The following UBAP2L variants were observed in gnomAD, a reference collection of about 807,000 sequenced individuals.
The protein encoded by UBAP2L is ubiquitin-associated protein 2-like.
Under a neutral mutation model 130.6 loss-of-function variants are expected in UBAP2L, and 12 were observed. The observed-to-expected ratio is 0.09, with a 90% CI of 0.06 to 0.15. The LOEUF (loss-of-function observed/expected upper bound fraction) is 0.15. Among genes scored for constraint, UBAP2L ranks in the 10% least tolerant of loss-of-function variants. The pLI, the probability that UBAP2L is intolerant of heterozygous loss-of-function variation, is 1.00. For missense variants in UBAP2L, 965 were observed against 1,332.5 expected (o/e 0.72, Z 4.29); for synonymous variants, 503 against 524.7 (o/e 0.96, Z 0.57).
upstream of UBAP2L, chr1:154,220,379 C>T: frequency 6.2e-7 from 1 of 1,614,240 alleles, no homozygotes; most frequent in East Asian, 2.2e-5. Context: ...GACATTCACC[C>T]CGGAGAGCCA....
At chr1:154,271,366 T>G (rs1298081546), downstream of UBAP2L, 1 of 162,816 alleles carries the variant, frequency 6.1e-6, no homozygotes, top group Non-Finnish European at 1.3e-5. Flanking sequence ...TTGGGTACAG[T>G]GTACACTGCT....
intron 25 of UBAP2L, 73 bp from the exon 26 acceptor site, chr1:154,268,684 T>C (rs912673871): frequency 6.1e-5 from 91 of 1,499,652 alleles, no homozygotes; most frequent in Non-Finnish European, 8.0e-5. Flanking sequence ...GTCAGGGAGC[T>C]TGAGCTCAGG....
chr1:154,249,157 C>T (rs773159565), intron 11 of UBAP2L, 82 bp from the exon 12 acceptor site: 45 of 1,378,612 alleles, frequency 3.3e-5, no homozygotes, highest in Non-Finnish European at 4.5e-5. Flanking sequence ...TATACTGGCT[C>T]TCGGTCTGGA....
At chr1:154,241,202 C>T (rs1294021018) in intron 8 of UBAP2L, among the ~76,000 whole-genome samples, 9 of 152,092 alleles carry the variant, frequency 5.9e-5, no homozygotes, top group Admixed American at 5.2e-4. Context: ...CATTCTTCTG[C>T]CTCAGCCTCC....
chr1:154,243,787 T>C (rs1674401321), intron 10 of UBAP2L, among the ~76,000 whole-genome samples: 1 of 152,182 alleles, frequency 6.6e-6, no homozygotes, highest in Non-Finnish European at 1.5e-5. Context: ...GAGTTAGTAC[T>C]AGTTAATCTG....
intron 2 of UBAP2L, 132 bp from the exon 3 acceptor site, chr1:154,227,150 A>G: frequency 1.4e-6 from 1 of 735,728 alleles, no homozygotes; most frequent in Non-Finnish European, 2.3e-6. Flanking sequence ...AGCGTCCTAA[A>G]TGGTGCTTTA....
chr1:154,235,970 A>G (rs1261296205), intron 6 of UBAP2L, among the ~76,000 whole-genome samples: 1 of 152,184 alleles, frequency 6.6e-6, no homozygotes, highest in East Asian at 1.9e-4. Flanking sequence ...TGTCATGCAT[A>G]TACTAGAGAT....
chr1:154,251,366 G>A (rs1200650297), intron 13 of UBAP2L, 48 bp downstream of exon 13: 1 of 1,583,928 alleles, frequency 6.3e-7, no homozygotes, highest in Non-Finnish European at 8.6e-7. Context: ...GGGGTGTGGG[G>A]CTTGAGAATT....
chr1:154,227,012 G>A (rs1445410337), intron 2 of UBAP2L, among the ~76,000 whole-genome samples: 1 of 152,124 alleles, frequency 6.6e-6, no homozygotes, highest in Non-Finnish European at 1.5e-5. Context: ...TAGTAGAGAC[G>A]GGGTTTTGCC....
chr1:154,242,512 A>G (rs1257870516), intron 9 of UBAP2L, among the ~76,000 whole-genome samples: 2 of 152,240 alleles, frequency 1.3e-5, no homozygotes, highest in Non-Finnish European at 2.9e-5. Flanking sequence ...TCAGAGAATG[A>G]TAAATGGTGT....
intron 22 of UBAP2L, 55 bp from the exon 23 acceptor site, chr1:154,260,837 T>C (rs1681331432): frequency 6.5e-7 from 1 of 1,531,792 alleles, no homozygotes; most frequent in Admixed American, 1.7e-5. Flanking sequence ...AAGAGGTAAT[T>C]CTGTATTGGT....
intron 15 of UBAP2L, among the ~76,000 whole-genome samples, chr1:154,254,353 T>C (rs1002468572): frequency 1.3e-5 from 2 of 152,230 alleles, no homozygotes; most frequent in African/African-American, 4.8e-5. Flanking sequence ...TGTCCTGTCT[T>C]CTGGGAAGAT....
intron 14 of UBAP2L, among the ~76,000 whole-genome samples, chr1:154,251,950 A>G (rs1488636914): frequency 1.3e-5 from 2 of 152,124 alleles, no homozygotes; most frequent in Non-Finnish European, 2.9e-5. Flanking sequence ...CAGCCTGGGC[A>G]ACATAATGAG....
Position 154,235,247 on chromosome 1 carries a change from G to A in UBAP2L, c.500G>A (p.Gly167Glu). The change falls in exon 6 of 27, where the codon GGA (glycine) becomes GAA (glutamate). Residue 167 changes from glycine (G) to glutamate (E), a missense_variant. Coordinates refer to ENST00000428931, the MANE Select transcript of UBAP2L (RefSeq NM_014847.4). ...LDGTKSGGPSGRGTERGRRGR... is the reference protein window; with the variant it reads ...LDGTKSGGPSERGTERGRRGR... ...GGCACCAAGAGTGGAGGGCCTTCTG[G>A]AAGAGGAACAGAAAGAGGCAGAAGG... 2.6e-6 allele frequency: 2 copies of A among 779,536 alleles called. No individual in the cohort carries two copies. Among genetic ancestry groups the A allele is most frequent in the Middle Eastern group, 2.3e-4 (1 of 4,434 alleles). 48.3% of individuals were successfully genotyped at this position (779,536 alleles called of 1,614,324 possible). A position where few individuals can be genotyped will look rare whatever the true frequency, so the allele number is the denominator to read the frequency against.
At chr1:154,234,359 T>A (rs2148621243) in intron 4 of UBAP2L, among the ~76,000 whole-genome samples, 1 of 151,930 alleles carries the variant, frequency 6.6e-6, no homozygotes, top group South Asian at 2.1e-4. Flanking sequence ...CGAGACTCTG[T>A]CTCAAAAATA....
At chr1:154,258,376 G>A (rs2148982986) in intron 20 of UBAP2L, among the ~76,000 whole-genome samples, 1 of 152,332 alleles carries the variant, frequency 6.6e-6, no homozygotes, top group African/African-American at 2.4e-5. Context: ...CTGGGACTTT[G>A]AGAATAAGTG....
intron 5 of UBAP2L, 93 bp downstream of exon 5, chr1:154,234,852 CATTAT>C: frequency 6.7e-7 from 1 of 1,503,568 alleles, no homozygotes; most frequent in Non-Finnish European, 9.0e-7. Flanking sequence ...ACCTAGGAAC[CATTAT>C]ATTATCCTTT....
chr1:154,263,186 TG>T, intron 24 of UBAP2L: 1 of 1,550,926 alleles, frequency 6.4e-7, no homozygotes, highest in Non-Finnish European at 8.7e-7. Context: ...GTTTTGTGTG[TG>T]TGTATAAATT....
intron 11 of UBAP2L, 102 bp downstream of exon 11, chr1:154,246,477 A>G (rs1199616436): frequency 7.4e-7 from 1 of 1,349,758 alleles, no homozygotes; most frequent in Non-Finnish European, 1.0e-6. Flanking sequence ...CAGGTGAAGC[A>G]TCCTCTTTGT....
Sources: allele counts gnomAD v4.1 joint callset (sites outside exome capture counted in the v4.1 genomes callset), GRCh38; gene constraint gnomAD v4.1.1; transcripts MANE v1.5; gene names NCBI Gene and HGNC (gene_info 2026-07-23, HGNC 2026-07-21).